SPMAP2L: variants seen among roughly 807,000 people sequenced by gnomAD.
SPMAP2L encodes sperm microtubule associated protein 2 like, also known as sperm microtubule associated protein 2-like.
At chr4:56,583,945 T>TTACATTGTG in the SPMAP2L span, among the ~76,000 whole-genome samples, 1 of 152,098 alleles carries the variant, frequency 6.6e-6, no homozygotes, top group South Asian at 2.1e-4. Flanking sequence ...CATTTACATA[T>TTACATTGTG]ACTGTATCAC....
chr4:56,547,242 C>CT, the SPMAP2L span, among the ~76,000 whole-genome samples: 21 of 125,950 alleles, frequency 1.7e-4, no homozygotes, highest in South Asian at 1.5e-3. Context: ...TACTAATTCT[C>CT]TTTTTTTTTT....
chr4:56,534,323 G>A, the SPMAP2L span, among the ~76,000 whole-genome samples: 1 of 152,100 alleles, frequency 6.6e-6, no homozygotes, highest in Non-Finnish European at 1.5e-5. Context: ...TTTCTTAGAA[G>A]TCTTCTTTAC....
the SPMAP2L span, among the ~76,000 whole-genome samples, chr4:56,589,490 G>A: frequency 1.3e-5 from 2 of 152,092 alleles, no homozygotes; most frequent in Non-Finnish European, 2.9e-5. Context: ...TTATTTTGAT[G>A]GGGATTGCAC....
chr4:56,575,092 T>C, the SPMAP2L span, among the ~76,000 whole-genome samples: 2 of 67,590 alleles, frequency 3.0e-5, no homozygotes, highest in African/African-American at 1.1e-4. Context: ...CTACTAAAAA[T>C]ACAAAAATTA....
At chr4:56,592,706 G>A in the SPMAP2L span, among the ~76,000 whole-genome samples, 3 of 151,986 alleles carry the variant, frequency 2.0e-5, no homozygotes, top group Non-Finnish European at 4.4e-5. Context: ...CCGCGGGGTC[G>A]GGGGCGGCCG....
At chr4:56,563,090 C>CTT in the SPMAP2L span, among the ~76,000 whole-genome samples, 87,371 of 98,264 alleles carry the variant, frequency 0.89, 39,592 homozygotes, top group Middle Eastern at 0.91. Flanking sequence ...GTTGTTAAGG[C>CTT]TTTTTTTTTT....
chr4:56,605,121 C>A, the SPMAP2L span, among the ~76,000 whole-genome samples: 1 of 152,050 alleles, frequency 6.6e-6, no homozygotes, highest in Non-Finnish European at 1.5e-5. Context: ...TCTATGTAAC[C>A]AAAAACTACC....
At chr4:56,551,984 A>G in the SPMAP2L span, among the ~76,000 whole-genome samples, 1 of 152,186 alleles carries the variant, frequency 6.6e-6, no homozygotes, top group African/African-American at 2.4e-5. Context: ...GTCACTCCAA[A>G]CAACTGCAAA....
the SPMAP2L span, among the ~76,000 whole-genome samples, chr4:56,581,055 A>G: frequency 6.6e-6 from 1 of 152,150 alleles, no homozygotes; most frequent in Non-Finnish European, 1.5e-5. Flanking sequence ...AAGTACCAAA[A>G]ATAGTCAAAT....
At chr4:56,583,275 GA>G in the SPMAP2L span, among the ~76,000 whole-genome samples, 3 of 142,136 alleles carry the variant, frequency 2.1e-5, no homozygotes, top group Admixed American at 7.1e-5. Flanking sequence ...CTCCATCTGA[GA>G]AAAAAAAATA....
the SPMAP2L span, among the ~76,000 whole-genome samples, chr4:56,604,204 G>A: frequency 6.6e-6 from 1 of 152,124 alleles, no homozygotes; most frequent in African/African-American, 2.4e-5. Context: ...AGTTGTCTCT[G>A]TCATGGATTA....
At chr4:56,606,862 G>T in the SPMAP2L span, among the ~76,000 whole-genome samples, 1 of 152,192 alleles carries the variant, frequency 6.6e-6, no homozygotes, top group Non-Finnish European at 1.5e-5. Flanking sequence ...AAATTGGGAA[G>T]GGGGCAGTGG....
the SPMAP2L span, among the ~76,000 whole-genome samples, chr4:56,579,142 A>C: frequency 1.8e-4 from 27 of 152,202 alleles, no homozygotes; most frequent in Non-Finnish European, 3.7e-4. Flanking sequence ...CCTCTACTCA[A>C]AAATGGGAGA....
chr4:56,595,401 G>C, the SPMAP2L span: 1 of 1,604,826 alleles, frequency 6.2e-7, no homozygotes, highest in Non-Finnish European at 8.5e-7. Context: ...ACAAGGCAGA[G>C]CTGGACAGAT....
At chr4:56,575,411 C>T in the SPMAP2L span, 1 of 1,347,666 alleles carries the variant, frequency 7.4e-7, no homozygotes. Flanking sequence ...GTCATACCTG[C>T]TCCCCTAGGC....
the SPMAP2L span, chr4:56,600,970 C>T: frequency 2.1e-5 from 32 of 1,535,218 alleles, no homozygotes; most frequent in East Asian, 1.5e-4. Context: ...ACCTAGCCCC[C>T]GAACAATAGC....
the SPMAP2L span, among the ~76,000 whole-genome samples, chr4:56,590,763 G>A: frequency 6.6e-6 from 1 of 152,192 alleles, no homozygotes; most frequent in African/African-American, 2.4e-5. Flanking sequence ...ATTATTTTAA[G>A]TCTTTTTAGA....
At chr4:56,553,393 A>G in the SPMAP2L span, among the ~76,000 whole-genome samples, 6 of 150,612 alleles carry the variant, frequency 4.0e-5, no homozygotes, top group East Asian at 2.0e-4. Context: ...GGGTTTCCCT[A>G]TGTTTCCCAG....
the SPMAP2L span, among the ~76,000 whole-genome samples, chr4:56,567,912 GTTA>G: frequency 4.3e-4 from 65 of 152,096 alleles, no homozygotes; most frequent in Non-Finnish European, 7.8e-4. Flanking sequence ...AAAACTTTCA[GTTA>G]TTATTATTTC....
Sources: gnomAD v4.1 joint callset for allele counts (sites outside exome capture counted in the v4.1 genomes callset) on GRCh38, gnomAD v4.1.1 for gene constraint, MANE v1.5 for transcripts, NCBI Gene and HGNC (gene_info 2026-07-23, HGNC 2026-07-21) for gene names.